Variants in FHIT observed in about 807,000 individuals in gnomAD.
FHIT encodes the protein bis(5'-adenosyl)-triphosphatase.
FHIT carries 19 observed loss-of-function variants against 17.9 expected under a neutral mutation model. The ratio of observed to expected loss-of-function variants is 1.06; its 90% CI spans 0.74 to 1.56. The LOEUF is 1.56. FHIT is among the 40% of genes most tolerant of loss of function. The probability of loss-of-function intolerance (pLI) is 0.00; values close to 1 mark genes in which losing one functional copy is unlikely to be tolerated. For missense variants in FHIT, 248 were observed against 189.2 expected (o/e 1.31, Z -1.82); for synonymous variants, 81 against 69.7 (o/e 1.16, Z -0.81).
intron 5 of FHIT, among the ~76,000 whole-genome samples, chr3:60,202,885 G>C (rs1157575266): frequency 6.6e-6 from 1 of 152,068 alleles, no homozygotes; most frequent in African/African-American, 2.4e-5. Flanking sequence ...CATAGCATCA[G>C]TCAGAAAGCT....
chr3:61,182,048 T>C (rs2038360193), intron 2 of FHIT, among the ~76,000 whole-genome samples: 1 of 152,278 alleles, frequency 6.6e-6, no homozygotes, highest in African/African-American at 2.4e-5. Context: ...TCATGTGAAA[T>C]CGGATACTCT....
At chr3:59,775,849 A>G (rs969104462) in intron 8 of FHIT, among the ~76,000 whole-genome samples, 11 of 152,214 alleles carry the variant, frequency 7.2e-5, no homozygotes, top group African/African-American at 2.7e-4. Context: ...AAAGGAGATT[A>G]GGATAAATCT....
At chr3:60,490,345 C>T (rs149023335) in intron 5 of FHIT, among the ~76,000 whole-genome samples, 4 of 152,136 alleles carry the variant, frequency 2.6e-5, no homozygotes, top group Admixed American at 6.5e-5. Flanking sequence ...GTTATGGGTT[C>T]TGTGCACATC....
chr3:60,930,091 C>T (rs1172872679), intron 3 of FHIT, among the ~76,000 whole-genome samples: 3 of 152,012 alleles, frequency 2.0e-5, no homozygotes, highest in Non-Finnish European at 4.4e-5. Context: ...CTTTGACAAA[C>T]CTGAGAAAAA....
At chr3:60,616,592 C>T (rs770090009) in intron 4 of FHIT, among the ~76,000 whole-genome samples, 16 of 151,114 alleles carry the variant, frequency 1.1e-4, no homozygotes, top group Non-Finnish European at 1.8e-4. Context: ...TACATTAATG[C>T]CAAAAATTTA....
chr3:60,892,417 A>G (rs41347345), intron 3 of FHIT, among the ~76,000 whole-genome samples: 5,035 of 152,104 alleles, frequency 0.033, 281 homozygotes, highest in African/African-American at 0.11. Context: ...ACCCTTTCTC[A>G]GGTCACCTCT....
At chr3:60,396,924 C>T (rs1055368206) in intron 5 of FHIT, among the ~76,000 whole-genome samples, 2 of 152,022 alleles carry the variant, frequency 1.3e-5, no homozygotes, top group Non-Finnish European at 2.9e-5. Flanking sequence ...AAACTTTATC[C>T]TCCTCATATC....
intron 4 of FHIT, among the ~76,000 whole-genome samples, chr3:60,808,292 G>A (rs1193216457): frequency 6.6e-6 from 1 of 152,038 alleles, no homozygotes; most frequent in Non-Finnish European, 1.5e-5. Context: ...GGAAAAGTGA[G>A]CACTAATTTT....
chr3:60,819,621 C>T (rs1366379323), intron 4 of FHIT, among the ~76,000 whole-genome samples: 1 of 152,190 alleles, frequency 6.6e-6, no homozygotes. Flanking sequence ...ATGGCTTCCA[C>T]TTCTTGAAAG....
intron 5 of FHIT, among the ~76,000 whole-genome samples, chr3:60,361,775 A>C (rs1378000182): frequency 6.6e-6 from 1 of 152,188 alleles, no homozygotes; most frequent in Non-Finnish European, 1.5e-5. Flanking sequence ...TTCTTACCAT[A>C]TCTCTCCTGA....
intron 5 of FHIT, among the ~76,000 whole-genome samples, chr3:60,324,050 A>G (rs1326486055): frequency 6.6e-6 from 1 of 152,154 alleles, no homozygotes; most frequent in Non-Finnish European, 1.5e-5. Context: ...TATTAACAAT[A>G]GAAGCAATAA....
intron 4 of FHIT, among the ~76,000 whole-genome samples, chr3:60,692,000 AG>A (rs2041003163): frequency 2.0e-5 from 3 of 152,208 alleles, no homozygotes; most frequent in Admixed American, 6.5e-5. Flanking sequence ...GCCAAGAAAA[AG>A]ATGAAGATTG....
intron 5 of FHIT, among the ~76,000 whole-genome samples, chr3:60,219,083 ATTGT>A (rs1173060436): frequency 1.3e-5 from 2 of 152,062 alleles, no homozygotes; most frequent in African/African-American, 4.8e-5. Flanking sequence ...AGAAGTTAAT[ATTGT>A]TTATTTACCC....
At position 59,815,878 on chromosome 3, in the gene FHIT, A is replaced by G. The variant is rs189047723; in HGVS notation, c.349-63557T>C. ...ACCAAATACTGCCTGTTCCCCAATA[A>G]CCTATAGAAATAAAAAAAAAATTTA... is the stretch of plus-strand genomic sequence containing the variant. On this transcript the variant is annotated intron_variant, in intron 8 of 9. Transcript: ENST00000492590. Among the ~76,000 whole-genome samples, 34 of 152,098 alleles carry G rather than the reference A, an allele frequency of 2.2e-4. No individual in the cohort carries two copies. In the South Asian group the frequency reaches 6.9e-3, roughly 31 times the overall value.
At chr3:59,796,968 T>C (rs1357136550) in intron 8 of FHIT, among the ~76,000 whole-genome samples, 2 of 152,214 alleles carry the variant, frequency 1.3e-5, no homozygotes, top group Admixed American at 1.3e-4. Flanking sequence ...TTACTCTCCT[T>C]CCTTTGCACT....
intron 5 of FHIT, among the ~76,000 whole-genome samples, chr3:60,408,152 A>C (rs190616406): frequency 6.6e-6 from 1 of 152,266 alleles, no homozygotes; most frequent in African/African-American, 2.4e-5. Flanking sequence ...AATTCTATAA[A>C]CATTCTTTTC....
At chr3:60,427,509 T>C (rs545261647) in intron 5 of FHIT, among the ~76,000 whole-genome samples, 1 of 152,136 alleles carries the variant, frequency 6.6e-6, no homozygotes, top group African/African-American at 2.4e-5. Flanking sequence ...TTCTGTGGCT[T>C]TAAGCCACTA....
At chr3:59,979,921 T>C (rs966396237) in intron 7 of FHIT, among the ~76,000 whole-genome samples, 3 of 152,146 alleles carry the variant, frequency 2.0e-5, no homozygotes, top group Non-Finnish European at 4.4e-5. Flanking sequence ...GTAGCTCTTC[T>C]CCAGTCCTTC....
At chr3:60,771,117 A>G (rs886692564) in intron 4 of FHIT, among the ~76,000 whole-genome samples, 3 of 152,138 alleles carry the variant, frequency 2.0e-5, no homozygotes, top group South Asian at 2.1e-4. Flanking sequence ...TCCTTTTCCA[A>G]CTCAATCTTC....
Sources: gnomAD v4.1 joint callset for allele counts (sites outside exome capture counted in the v4.1 genomes callset) on GRCh38, gnomAD v4.1.1 for gene constraint, MANE v1.5 for transcripts, NCBI Gene and HGNC (gene_info 2026-07-23, HGNC 2026-07-21) for gene names.